NCOR1: variants seen among roughly 807,000 people sequenced by gnomAD.
NCOR1 encodes the protein protein phosphatase 1, regulatory subunit 109.
Under a neutral mutation model 288.1 loss-of-function variants are expected in NCOR1, and 63 were observed. That is an observed-to-expected ratio of 0.22 (90% CI 0.18 to 0.27). The LOEUF is 0.27. Among genes scored for constraint, NCOR1 ranks in the 10% least tolerant of loss-of-function variants. The pLI is 1.00. For synonymous variants in NCOR1, 1,007 were observed against 1,065.9 expected, an observed-to-expected ratio of 0.94 and a Z score of 1.08; for missense variants, 2,397 against 3,019.2, an observed-to-expected ratio of 0.79 and a Z score of 4.83.
At chr17:16,115,050 G>C (rs910490130) in intron 18 of NCOR1, among the ~76,000 whole-genome samples, 41 of 152,194 alleles carry the variant, frequency 2.7e-4, no homozygotes, top group African/African-American at 9.4e-4. Context: ...TGAAATCTAG[G>C]CAGAGGTTCC....
chr17:16,134,070 C>G (rs1354738982), intron 14 of NCOR1, among the ~76,000 whole-genome samples: 1 of 152,236 alleles, frequency 6.6e-6, no homozygotes, highest in Non-Finnish European at 1.5e-5. Flanking sequence ...CAACTGAAAT[C>G]TGGCAGCCCT....
At position 16,032,279 on chromosome 17, in the gene NCOR1, C is replaced by T. The variant is rs1246699829; in HGVS notation, c.*17G>A. On this transcript the variant is annotated 3_prime_UTR_variant, in exon 46 of 46. Coordinates refer to ENST00000268712, the MANE Select transcript of NCOR1 (RefSeq NM_006311.4). ...GAGATCCCTCTCCTGCACCCTGTTC[C>T]CCTCACTTTGTGCAGTTCAGTCATC... The T allele has an allele frequency of 3.1e-6, 5 of 1,590,880 alleles. No homozygotes were observed. The highest frequency in any genetic ancestry group is 1.8e-5 in the Admixed American group (1 of 54,984).
intron 3 of NCOR1, among the ~76,000 whole-genome samples, chr17:16,184,486 G>C (rs1479824846): frequency 6.6e-6 from 1 of 151,994 alleles, no homozygotes; most frequent in Non-Finnish European, 1.5e-5. Flanking sequence ...TAGTCATCAG[G>C]GAACTGTATA....
rs2092453094 is a variant in NCOR1 at position 16,215,238 on chromosome 17, G to A, written c.-71+124C>T. 7.8e-6 allele frequency: 3 copies of A among 383,012 alleles called. No individual in the cohort carries two copies. The East Asian group carries it at 1.1e-4, about 14-fold the overall frequency. The allele number at this position is 383,012 out of a possible 1,614,324, so 23.7% of individuals were successfully genotyped here. The stretch of plus-strand genomic sequence containing the variant: ...GCCAGGACGGGTCCCGACCTGCCCA[G>A]GCCTGCGACACCCCCCGCCCGGCGG... On this transcript the variant is annotated intron_variant, in intron 1 of 45. Transcript: ENST00000268712.
At chr17:16,129,857 C>T (rs945279407) in intron 14 of NCOR1, among the ~76,000 whole-genome samples, 4 of 152,190 alleles carry the variant, frequency 2.6e-5, no homozygotes, top group African/African-American at 9.7e-5. Context: ...TCTTATTTCC[C>T]CAATACTTTT....
At chr17:16,082,877 A>C (rs2063612351) in intron 23 of NCOR1, among the ~76,000 whole-genome samples, 1 of 152,134 alleles carries the variant, frequency 6.6e-6, no homozygotes, top group South Asian at 2.1e-4. Context: ...GCAAACTAAG[A>C]ACGGAAGGAA....
At chr17:16,168,171 A>G (rs537581776) in intron 4 of NCOR1, among the ~76,000 whole-genome samples, 1 of 152,170 alleles carries the variant, frequency 6.6e-6, no homozygotes, top group Non-Finnish European at 1.5e-5. Flanking sequence ...ATGTGGTGTC[A>G]GCAAGGATAA....
In NCOR1 at chr17:16,086,339, G is replaced by A. The variant is rs2064225043; in HGVS notation, c.3120C>T (p.Ser1040=). ...GTTTTTCTGAAGCCACTGTGGTTTT[G>A]GATGACGGGATGAGAGGGGGCGGTG... ...TRPPPPLIPS[S]KTTVASEKPS... is the part of the protein sequence containing the mutation. Residue 1040 remains serine, a synonymous_variant, in exon 23 of 46, where the codon TCC becomes TCT. Coordinates refer to ENST00000268712, the MANE Select transcript of NCOR1 (RefSeq NM_006311.4). 6.2e-7 allele frequency: 1 copy of A among 1,614,128 alleles called. No individual in the cohort carries two copies.
At chr17:16,137,468 A>C in intron 13 of NCOR1, 56 bp from the exon 14 acceptor site, 1 of 935,958 alleles carries the variant, frequency 1.1e-6, no homozygotes, top group Non-Finnish European at 1.6e-6. Flanking sequence ...GAAATTTTTT[A>C]ATTAAATATT....
chr17:16,211,437 T>C (rs2092119747), intron 1 of NCOR1, among the ~76,000 whole-genome samples: 1 of 151,978 alleles, frequency 6.6e-6, no homozygotes, highest in Admixed American at 6.6e-5. Context: ...CTCGCTCTGT[T>C]GTGCAGGTTG....
chr17:16,172,830 G>A (rs918148603), intron 3 of NCOR1, among the ~76,000 whole-genome samples: 3 of 152,278 alleles, frequency 2.0e-5, no homozygotes, highest in South Asian at 2.1e-4. Flanking sequence ...GTTTACAGAG[G>A]TGATATTGTA....
At position 16,046,977 on chromosome 17, in the gene NCOR1, G is replaced by A; in HGVS notation, c.6653C>T (p.Ser2218Phe). ...KKQEIFRKLNSSGGGDSDMAA... is the reference protein window; with the variant it reads ...KKQEIFRKLNFSGGGDSDMAA... ...CATATCAGAGTCACCTCCACCAGAG[G>A]AGTTCAACTTACGAAAAATCTCCTG... Residue 2218 changes from serine to phenylalanine, a missense_variant, in exon 42 of 46, where the codon TCC becomes TTC. By Grantham distance (155) the Ser-to-Phe change is radical. Coordinates refer to ENST00000268712, the MANE Select transcript of NCOR1 (RefSeq NM_006311.4). 1 of 1,614,056 alleles carries A rather than the reference G, an allele frequency of 6.2e-7. No homozygotes were observed. The highest frequency in any genetic ancestry group is 1.6e-4 in the Middle Eastern group (1 of 6,062).
chr17:16,121,772 C>A (rs1489211637), intron 15 of NCOR1, among the ~76,000 whole-genome samples: 1 of 152,168 alleles, frequency 6.6e-6, no homozygotes, highest in Non-Finnish European at 1.5e-5. Context: ...TTTATAAAAT[C>A]AGACTCAATA....
chr17:16,186,071 T>C (rs557760540), intron 3 of NCOR1, among the ~76,000 whole-genome samples: 8 of 152,274 alleles, frequency 5.3e-5, no homozygotes, highest in Admixed American at 5.2e-4. Context: ...TGACAGAATA[T>C]TTACTATCAG....
At chr17:16,142,787 T>TA (rs2077336289) in intron 11 of NCOR1, among the ~76,000 whole-genome samples, 2 of 152,130 alleles carry the variant, frequency 1.3e-5, no homozygotes. Context: ...AGGGAGGAAA[T>TA]ACTGCTTTTG....
chr17:16,107,566 C>T (rs1392729294), intron 19 of NCOR1, among the ~76,000 whole-genome samples: 1 of 152,122 alleles, frequency 6.6e-6, no homozygotes, highest in East Asian at 1.9e-4. Context: ...GTTGCTGCAG[C>T]CACCCAATCT....
rs142104718 is a variant in NCOR1, at chr17:16,130,529, AAAAC to A, written c.1510-4327_1510-4324del. On this transcript the variant is annotated intron_variant, in intron 14 of 45. Transcript: ENST00000268712. Reference sequence around the variant, plus strand: ...TTAAACTCAATACTTGAGAGCCAATAAAACAAGTTTAATTCTGTCAGGGAGTTAA... The same window carrying A: ...TTAAACTCAATACTTGAGAGCCAATAAAGTTTAATTCTGTCAGGGAGTTAA... 6.4e-3 allele frequency among the ~76,000 whole-genome samples: 968 copies of A among 152,348 alleles called. 17 individuals carry two copies. Among genetic ancestry groups the A allele is most frequent in the African/African-American group, 0.022 (900 of 41,582 alleles).
chr17:16,070,752 A>G (rs2061656272), intron 30 of NCOR1, among the ~76,000 whole-genome samples: 1 of 152,174 alleles, frequency 6.6e-6, no homozygotes, highest in African/African-American at 2.4e-5. Context: ...ACACAAGGCC[A>G]GGCATGGTGG....
intron 1 of NCOR1, among the ~76,000 whole-genome samples, chr17:16,207,738 C>A (rs2091684402): frequency 7.5e-6 from 1 of 133,024 alleles, no homozygotes; most frequent in South Asian, 2.4e-4. Context: ...GACTCCATCT[C>A]CAAAAAAAAA....
Sources: allele counts gnomAD v4.1 joint callset (sites outside exome capture counted in the v4.1 genomes callset), GRCh38; gene constraint gnomAD v4.1.1; transcripts MANE v1.5; gene names NCBI Gene and HGNC (gene_info 2026-07-23, HGNC 2026-07-21).